SCAPER: variants seen among roughly 807,000 people sequenced by gnomAD.
The protein encoded by SCAPER is S-phase cyclin A associated protein in the ER.
SCAPER carries 98 observed loss-of-function variants against 182.2 expected under a neutral mutation model. That is an observed-to-expected ratio of 0.54 (90% CI 0.46 to 0.64). The LOEUF is 0.64. Ranked by LOEUF, SCAPER falls within the 30% of genes least tolerant of loss-of-function variation. SCAPER has a pLI of 0.00. For missense variants in SCAPER, 1,432 were observed against 1,690.0 expected (o/e 0.85, Z 2.68); for synonymous variants, 605 against 564.6 (o/e 1.07, Z -1.01).
At chr15:76,799,260 C>T (rs908039303) in intron 7 of SCAPER, among the ~76,000 whole-genome samples, 2 of 150,872 alleles carry the variant, frequency 1.3e-5, no homozygotes, top group Non-Finnish European at 2.9e-5. Flanking sequence ...ATTCCATGTC[C>T]TAAAAGCTAA....
intron 23 of SCAPER, among the ~76,000 whole-genome samples, chr15:76,518,681 T>C (rs1252604343): frequency 6.6e-6 from 1 of 152,156 alleles, no homozygotes; most frequent in Non-Finnish European, 1.5e-5. Flanking sequence ...TCAGACTATC[T>C]GACACAAAAT....
intron 4 of SCAPER, among the ~76,000 whole-genome samples, chr15:76,849,475 T>A (rs1291037382): frequency 6.6e-6 from 1 of 152,054 alleles, no homozygotes; most frequent in Non-Finnish European, 1.5e-5. Flanking sequence ...AGACCCTCCA[T>A]CCTGTGATGG....
intron 29 of SCAPER, among the ~76,000 whole-genome samples, chr15:76,367,282 T>G (rs2141806962): frequency 6.6e-6 from 1 of 152,324 alleles, no homozygotes; most frequent in East Asian, 1.9e-4. Context: ...TTTCTGTAAC[T>G]GATGAGGGTC....
intron 23 of SCAPER, among the ~76,000 whole-genome samples, chr15:76,515,249 T>C (rs2042329626): frequency 6.6e-6 from 1 of 152,060 alleles, no homozygotes; most frequent in African/African-American, 2.4e-5. Context: ...TTCTGACCCA[T>C]TTGGACTAAG....
intron 27 of SCAPER, among the ~76,000 whole-genome samples, chr15:76,401,861 C>T (rs965859446): frequency 2.1e-4 from 32 of 152,092 alleles, no homozygotes; most frequent in African/African-American, 6.0e-4. Context: ...GAACAGGTTA[C>T]GGGCCAGGCG....
intron 20 of SCAPER, among the ~76,000 whole-genome samples, chr15:76,680,373 C>A (rs2057623743): frequency 6.8e-6 from 1 of 147,680 alleles, no homozygotes; most frequent in South Asian, 2.1e-4. Context: ...AAAGAATATG[C>A]ACAGGGACAA....
At chr15:76,546,970 G>T (rs1001400459) in intron 23 of SCAPER, among the ~76,000 whole-genome samples, 1 of 152,036 alleles carries the variant, frequency 6.6e-6, no homozygotes, top group Non-Finnish European at 1.5e-5. Flanking sequence ...CATTTAGGTT[G>T]TTTTCAGATT....
At chr15:76,515,436 A>G (rs1308206615) in intron 23 of SCAPER, among the ~76,000 whole-genome samples, 3 of 152,168 alleles carry the variant, frequency 2.0e-5, no homozygotes, top group East Asian at 3.9e-4. Context: ...TTGCCCCTAT[A>G]TCTCAAGTAT....
chr15:76,360,973 G>T (rs898664433), intron 29 of SCAPER, among the ~76,000 whole-genome samples: 8 of 148,780 alleles, frequency 5.4e-5, no homozygotes, highest in African/African-American at 1.5e-4. Context: ...ATGCTATTAT[G>T]TCAAATATAT....
At chr15:76,709,235 G>A (rs1379850262) in intron 17 of SCAPER, among the ~76,000 whole-genome samples, 2 of 152,066 alleles carry the variant, frequency 1.3e-5, no homozygotes, top group Admixed American at 6.5e-5. Context: ...GGGTTCAAGC[G>A]ATTCTCCTGC....
chr15:76,692,160 G>A (rs2058396315), intron 20 of SCAPER, among the ~76,000 whole-genome samples: 1 of 152,120 alleles, frequency 6.6e-6, no homozygotes, highest in South Asian at 2.1e-4. Context: ...ACAGAATACT[G>A]CAATGGTCAG....
intron 10 of SCAPER, among the ~76,000 whole-genome samples, chr15:76,769,462 A>G (rs1260604776): frequency 3.3e-5 from 5 of 150,726 alleles, no homozygotes; most frequent in Non-Finnish European, 4.4e-5. Flanking sequence ...AAAAAAAAAA[A>G]AGAGAGTGAA....
At chr15:76,442,480 T>C (rs1335542788) in intron 25 of SCAPER, among the ~76,000 whole-genome samples, 1 of 152,218 alleles carries the variant, frequency 6.6e-6, no homozygotes, top group Non-Finnish European at 1.5e-5. Flanking sequence ...CTGGGAGGCC[T>C]GAGTCTCTCT....
At chr15:76,735,462 C>T (rs1409186904) in intron 15 of SCAPER, among the ~76,000 whole-genome samples, 1 of 151,910 alleles carries the variant, frequency 6.6e-6, no homozygotes, top group Non-Finnish European at 1.5e-5. Context: ...CTTTGGGAGG[C>T]CGAGACAGGC....
At position 76,578,350 on chromosome 15, in the gene SCAPER, T is replaced by C. The variant is rs537467827; in HGVS notation, c.2712-4066A>G. 5.2e-3 allele frequency among the ~76,000 whole-genome samples: 787 copies of C among 152,248 alleles called. 9 individuals carry two copies. The highest frequency in any genetic ancestry group is 6.8e-3 in the Middle Eastern group (2 of 294). ...CTGATTGCTGAGCCCTAGGGGGACT[T>C]GAGCAAACAAAGGTGGTAGCCAGGC... On this transcript the variant is annotated intron_variant, in intron 22 of 31. Transcript: ENST00000563290.
At chr15:76,491,633 T>G (rs1267958131) in intron 24 of SCAPER, among the ~76,000 whole-genome samples, 1 of 152,100 alleles carries the variant, frequency 6.6e-6, no homozygotes, top group Non-Finnish European at 1.5e-5. Flanking sequence ...CTGGTTTTGT[T>G]TTTTTGTTTT....
At chr15:76,524,827 CATA>C (rs2043084389) in intron 23 of SCAPER, among the ~76,000 whole-genome samples, 4 of 148,872 alleles carry the variant, frequency 2.7e-5, no homozygotes, top group Middle Eastern at 3.6e-3. Context: ...GGTAGGTTTA[CATA>C]CAGGGAAGAT....
At chr15:76,665,877 C>T (rs1468907671) in intron 20 of SCAPER, 88 bp from the exon 21 acceptor site, 19 of 1,139,246 alleles carry the variant, frequency 1.7e-5, no homozygotes, top group Non-Finnish European at 2.2e-5. Flanking sequence ...GAGTTTAAGA[C>T]ATTTGATGAA....
At chr15:76,821,653 G>A (rs927138729) in intron 5 of SCAPER, among the ~76,000 whole-genome samples, 3 of 150,990 alleles carry the variant, frequency 2.0e-5, no homozygotes, top group Admixed American at 6.6e-5. Flanking sequence ...CAGTGGGGCC[G>A]GGCACGGTGG....
Sources: gnomAD v4.1 joint callset for allele counts (sites outside exome capture counted in the v4.1 genomes callset) on GRCh38, gnomAD v4.1.1 for gene constraint, MANE v1.5 for transcripts, NCBI Gene and HGNC (gene_info 2026-07-23, HGNC 2026-07-21) for gene names.